Variants in IGLL5 observed in about 807,000 individuals in gnomAD.
IGLL5 encodes immunoglobulin lambda-like polypeptide 5.
IGLL5 carries 30 observed loss-of-function variants against 20.9 expected under a neutral mutation model. The ratio of observed to expected loss-of-function variants is 1.44; its 90% confidence interval spans 1.07 to 1.95. The LOEUF (loss-of-function observed/expected upper bound fraction) is 1.95. IGLL5 is among the 30% of genes most tolerant of loss of function. The probability of loss-of-function intolerance (pLI) is 0.00; values close to 1 mark genes in which losing one functional copy is unlikely to be tolerated. For missense variants in IGLL5, 475 were observed against 270.7 expected, an observed-to-expected ratio of 1.75 and a Z score of -5.30; for synonymous variants, 203 against 117.3, an observed-to-expected ratio of 1.73 and a Z score of -4.72.
chr22:22,888,684 C>G (rs1414143670), intron 1 of IGLL5, among the ~76,000 whole-genome samples: 2 of 151,346 alleles, frequency 1.3e-5, no homozygotes, highest in East Asian at 2.0e-4. Context: ...AGGGGCCACT[C>G]CCTGGAGAAG....
At chr22:22,888,990 C>T (rs2067673605) in intron 1 of IGLL5, among the ~76,000 whole-genome samples, 1 of 151,330 alleles carries the variant, frequency 6.6e-6, no homozygotes, top group Admixed American at 6.6e-5. Flanking sequence ...GCTGGGAGCT[C>T]CTGGGTGACT....
intron 1 of IGLL5, among the ~76,000 whole-genome samples, chr22:22,890,494 T>A (rs6003373): frequency 0.023 from 3,401 of 145,532 alleles, 126 homozygotes; most frequent in African/African-American, 0.069. Flanking sequence ...AAAGTTTAGA[T>A]GAGCCAGAAT....
At chr22:22,892,714 G>C (rs1418277156) in intron 1 of IGLL5, among the ~76,000 whole-genome samples, 1 of 150,920 alleles carries the variant, frequency 6.6e-6, no homozygotes, top group Non-Finnish European at 1.5e-5. Flanking sequence ...CAAGAAGAGA[G>C]GTAAGGGCTG....
At chr22:22,890,312 A>AACACACAC (rs372346670) in intron 1 of IGLL5, among the ~76,000 whole-genome samples, 34 of 123,768 alleles carry the variant, frequency 2.7e-4, no homozygotes, top group African/African-American at 9.0e-4. Flanking sequence ...TGTCCCTGAA[A>AACACACAC]ACACACACAC....
chr22:22,888,248 C>T lies in IGLL5; in HGVS notation c.195C>T (p.Ser65=), dbSNP rs151173231. The T allele has an allele frequency of 1.2e-5, 19 of 1,547,526 alleles. 1 individual carries two copies. The highest frequency in any genetic ancestry group is 2.0e-4 in the Middle Eastern group (1 of 5,012). Residue 65 remains serine, a synonymous_variant, in exon 1 of 3, where the codon AGC becomes AGT. Transcript: ENST00000526893. ...GAAGCAGCCGATCCAGCCTGCGGAG[C>T]CTGTGGGGCAGGTAAGGGGCAAGAG... ...SVGSSRSSLR[S]LWGRLLLQPS...
intron 2 of IGLL5, 37 bp downstream of exon 2, chr22:22,893,855 C>T (rs367608328): frequency 5.9e-6 from 8 of 1,355,138 alleles, no homozygotes; most frequent in South Asian, 2.3e-5. Flanking sequence ...CTGTCTCACC[C>T]TCTGCTGTCC....
Position 22,895,409 on chromosome 22 carries a change from C to T in IGLL5, c.360C>T (p.Phe120=), listed in dbSNP as rs1384171899. Reference sequence around the variant, plus strand: ...AGGCCAACCCCACTGTCACTCTGTTCCCGCCCTCCTCTGAGGAGCTCCAAG... The same window carrying T: ...AGGCCAACCCCACTGTCACTCTGTTTCCGCCCTCCTCTGAGGAGCTCCAAG... ...QPKANPTVTL[F]PPSSEELQAN... The change falls in exon 3 of 3, where the codon TTC becomes TTT. Residue 120 remains phenylalanine, a synonymous_variant. Coordinates refer to ENST00000526893, the MANE Select transcript of IGLL5 (RefSeq NM_001178126.2). The T allele has an allele frequency of 6.2e-7, 1 of 1,612,982 alleles. No homozygotes were observed. Among genetic ancestry groups the T allele is most frequent in the African/African-American group, 1.3e-5 (1 of 74,868 alleles).
intron 2 of IGLL5, among the ~76,000 whole-genome samples, chr22:22,894,726 A>T (rs2066688603): frequency 6.6e-6 from 1 of 151,290 alleles, no homozygotes; most frequent in African/African-American, 2.4e-5. Flanking sequence ...CCCCAGGAAC[A>T]GCTGAGGTGA....
In IGLL5 at chr22:22,888,696, C is replaced by T. The variant is rs972062900; in HGVS notation, c.206+437C>T. On this transcript the variant is annotated intron_variant, in intron 1 of 2. Coordinates refer to ENST00000526893, the MANE Select transcript of IGLL5 (RefSeq NM_001178126.2). ...GGCAGGGGCCACTCCCTGGAGAAGG[C>T]AGCAAGGGCTTGGTTTGGTCTCCCC... Among the ~76,000 whole-genome samples the T allele has an allele frequency of 3.3e-5, 5 of 151,342 alleles. 1 individual carries two copies. The highest frequency in any genetic ancestry group is 2.1e-4 in the South Asian group (1 of 4,760).
chr22:22,890,051 A>C (rs190177946), intron 1 of IGLL5, among the ~76,000 whole-genome samples: 1 of 150,404 alleles, frequency 6.6e-6, no homozygotes, highest in African/African-American at 2.4e-5. Flanking sequence ...AAAAAGAGAC[A>C]TTTCTTCTAA....
At position 22,887,997 on chromosome 22, in the gene IGLL5, C is replaced by T; in HGVS notation, c.-57C>T. ...CTGGCGAGAGGGACCAGGGCACCGTCCTCCAGGGAGCCCATGCTGCAAGTC... is the reference window on the plus strand; with the variant it reads ...CTGGCGAGAGGGACCAGGGCACCGTTCTCCAGGGAGCCCATGCTGCAAGTC... On this transcript the variant is annotated 5_prime_UTR_variant, in exon 1 of 3. Coordinates refer to ENST00000526893, the MANE Select transcript of IGLL5 (RefSeq NM_001178126.2). The T allele has an allele frequency of 7.2e-7, 1 of 1,389,714 alleles. No individual in the cohort carries two copies. Among genetic ancestry groups the T allele is most frequent in the South Asian group, 1.2e-5 (1 of 80,680 alleles). The allele number at this position is 1,389,714 out of a possible 1,614,324, so 86.1% of individuals were successfully genotyped here.
intron 1 of IGLL5, among the ~76,000 whole-genome samples, chr22:22,889,146 C>T (rs1306394987): frequency 1.3e-5 from 2 of 150,968 alleles, no homozygotes; most frequent in South Asian, 2.1e-4. Flanking sequence ...GATGCGACGC[C>T]CGATTAGAGG....
At chr22:22,888,365 A>G (rs184925856) in intron 1 of IGLL5, 106 bp downstream of exon 1, 15 of 1,012,874 alleles carry the variant, frequency 1.5e-5, no homozygotes, top group Middle Eastern at 3.2e-4. Context: ...GTTAACCCCT[A>G]AGAGGGGCCT....
At chr22:22,892,844 G>C (rs1219791818) in intron 1 of IGLL5, among the ~76,000 whole-genome samples, 1 of 151,058 alleles carries the variant, frequency 6.6e-6, no homozygotes, top group African/African-American at 2.4e-5. Context: ...GTCAGCAGTT[G>C]GGCATGGGCC....
At chr22:22,894,356 T>C (rs2068021078) in intron 2 of IGLL5, among the ~76,000 whole-genome samples, 2 of 151,234 alleles carry the variant, frequency 1.3e-5, no homozygotes, top group East Asian at 2.0e-4. Flanking sequence ...GGGCTCTGGG[T>C]CTAGGCTGCA....
At chr22:22,893,581 G>A in intron 1 of IGLL5, 119 bp from the exon 2 acceptor site, 1 of 628,498 alleles carries the variant, frequency 1.6e-6, no homozygotes, top group Non-Finnish European at 2.8e-6. Context: ...GCTGTGTGTG[G>A]CACTTGCCTT....
chr22:22,892,291 G>GT (rs2067873369), intron 1 of IGLL5, among the ~76,000 whole-genome samples: 1 of 151,132 alleles, frequency 6.6e-6, no homozygotes, highest in Non-Finnish European at 1.5e-5. Context: ...AAATACAAAT[G>GT]TATTAAATAC....
Position 22,888,142 on chromosome 22 carries a change from G to C in IGLL5, c.89G>C (p.Gly30Ala), listed in dbSNP as rs1300280544. Residue 30 changes from glycine to alanine, a missense_variant, in exon 1 of 3, where the codon GGT (glycine) becomes GCT (alanine). Transcript: ENST00000526893. ...CAGCGCTGGCCCCTGCTGCTGCTGG[G>C]TCTGGCCATGGTCGCCCATGGCCTG... The part of the protein sequence containing the change: ...PRQRWPLLLL[G>A]LAMVAHGLLR... 2 of 1,549,606 alleles carry C rather than the reference G, an allele frequency of 1.3e-6. No individual in the cohort carries two copies. Among genetic ancestry groups the C allele is most frequent in the African/African-American group, 1.4e-5 (1 of 72,834 alleles).
chr22:22,894,594 T>C, intron 2 of IGLL5, among the ~76,000 whole-genome samples: 2 of 151,280 alleles, frequency 1.3e-5, no homozygotes, highest in Middle Eastern at 3.7e-3. Context: ...ACTCAGGAAA[T>C]GACCAGAGGG....
Sources: allele counts gnomAD v4.1 joint callset (sites outside exome capture counted in the v4.1 genomes callset), GRCh38; gene constraint gnomAD v4.1.1; transcripts MANE v1.5; gene names NCBI Gene and HGNC (gene_info 2026-07-23, HGNC 2026-07-21).